Variants in AGMO observed in about 807,000 individuals in gnomAD.
AGMO encodes glyceryl-ether monooxygenase.
Under a neutral mutation model 60.2 loss-of-function variants are expected in AGMO, and 75 were observed. That is an observed-to-expected ratio of 1.25 (90% CI 1.03 to 1.51). The LOEUF is 1.51. Among genes scored for constraint, AGMO ranks in the 40% most tolerant of loss-of-function variants. The pLI is 0.00. For missense variants in AGMO, 763 were observed against 525.5 expected (o/e 1.45, Z -4.42); for synonymous variants, 261 against 177.1 (o/e 1.47, Z -3.76).
chr7:15,322,073 A>C (rs1781123699), intron 12 of AGMO, among the ~76,000 whole-genome samples: 1 of 152,006 alleles, frequency 6.6e-6, no homozygotes, highest in Non-Finnish European at 1.5e-5. Flanking sequence ...CAGGAGTCTG[A>C]GGTAGCAGAA....
At chr7:15,481,495 G>C (rs888724402) in intron 3 of AGMO, among the ~76,000 whole-genome samples, 1 of 151,932 alleles carries the variant, frequency 6.6e-6, no homozygotes, top group Non-Finnish European at 1.5e-5. Context: ...CAGTCCACAA[G>C]ACAACTGTAA....
downstream of AGMO, among the ~76,000 whole-genome samples, chr7:15,197,574 A>G (rs1439768310): frequency 1.3e-5 from 2 of 152,242 alleles, no homozygotes; most frequent in Non-Finnish European, 2.9e-5. Context: ...AGTAAATGGC[A>G]TAACTAATAG....
chr7:15,125,043 G>A, the AGMO span, among the ~76,000 whole-genome samples: 1 of 150,720 alleles, frequency 6.6e-6, no homozygotes, highest in Non-Finnish European at 1.5e-5. Flanking sequence ...CAGTATTTTT[G>A]GAATGGGATG....
At chr7:15,239,562 G>T (rs1168437141) in intron 12 of AGMO, among the ~76,000 whole-genome samples, 4 of 152,106 alleles carry the variant, frequency 2.6e-5, no homozygotes, top group African/African-American at 9.7e-5. Flanking sequence ...TTACTTAAAA[G>T]AACCCTATAG....
At chr7:15,453,437 G>C (rs997356337) in intron 3 of AGMO, among the ~76,000 whole-genome samples, 2 of 152,152 alleles carry the variant, frequency 1.3e-5, no homozygotes, top group Non-Finnish European at 2.9e-5. Context: ...GGAGAAAGCA[G>C]ACACAGTGTA....
intron 5 of AGMO, among the ~76,000 whole-genome samples, chr7:15,398,575 C>T (rs1181321741): frequency 1.3e-5 from 2 of 152,126 alleles, no homozygotes; most frequent in African/African-American, 4.8e-5. Flanking sequence ...TTGAGCATAA[C>T]GGCTTAATTA....
At chr7:15,167,523 C>A in the AGMO span, among the ~76,000 whole-genome samples, 2 of 152,082 alleles carry the variant, frequency 1.3e-5, no homozygotes, top group African/African-American at 4.8e-5. Flanking sequence ...CCTCCAAACA[C>A]TAAAAGGAAA....
chr7:15,358,399 A>C (rs1437428881), intron 12 of AGMO: 7 of 471,388 alleles, frequency 1.5e-5, no homozygotes, highest in Admixed American at 4.7e-5. Context: ...GATAATAAGA[A>C]GGCATAATAA....
intron 12 of AGMO, among the ~76,000 whole-genome samples, chr7:15,344,344 T>C (rs1287917352): frequency 1.3e-5 from 2 of 152,256 alleles, no homozygotes; most frequent in Non-Finnish European, 2.9e-5. Flanking sequence ...CCAACAGGAC[T>C]AATTGTTTTC....
intron 12 of AGMO, among the ~76,000 whole-genome samples, chr7:15,310,969 T>G (rs539108542): frequency 6.6e-6 from 1 of 152,176 alleles, no homozygotes; most frequent in Non-Finnish European, 1.5e-5. Flanking sequence ...CTCTCCCGCC[T>G]CCCTCTTCCA....
At chr7:15,261,074 T>C (rs1400023913) in intron 12 of AGMO, among the ~76,000 whole-genome samples, 1 of 151,824 alleles carries the variant, frequency 6.6e-6, no homozygotes, top group Non-Finnish European at 1.5e-5. Flanking sequence ...TGAATGAGCA[T>C]AAATAGACAA....
chr7:15,543,438 G>C (rs1784685404), intron 3 of AGMO, among the ~76,000 whole-genome samples: 1 of 152,128 alleles, frequency 6.6e-6, no homozygotes, highest in African/African-American at 2.4e-5. Context: ...TGCAGTAAGA[G>C]GGCTTTTGCA....
At chr7:15,169,310 T>G in the AGMO span, among the ~76,000 whole-genome samples, 24 of 152,178 alleles carry the variant, frequency 1.6e-4, no homozygotes, top group Admixed American at 4.6e-4. Context: ...TGCAAACAAA[T>G]GAGTGTGGAT....
chr7:15,161,706 T>C, the AGMO span, among the ~76,000 whole-genome samples: 2 of 151,524 alleles, frequency 1.3e-5, no homozygotes, highest in African/African-American at 4.8e-5. Flanking sequence ...TGTGTGTGTA[T>C]ACATACACAC....
the AGMO span, among the ~76,000 whole-genome samples, chr7:15,157,978 C>T: frequency 6.6e-6 from 1 of 152,110 alleles, no homozygotes; most frequent in Non-Finnish European, 1.5e-5. Flanking sequence ...GGTTGCTAAG[C>T]AGGATCCCAT....
chr7:15,453,123 GA>G (rs1781898046), intron 3 of AGMO, among the ~76,000 whole-genome samples: 1 of 152,160 alleles, frequency 6.6e-6, no homozygotes, highest in Non-Finnish European at 1.5e-5. Context: ...TGGAGGTGAT[GA>G]AAATGTTCTG....
At chr7:15,129,238 T>G in the AGMO span, among the ~76,000 whole-genome samples, 1 of 142,448 alleles carries the variant, frequency 7.0e-6, no homozygotes, top group Non-Finnish European at 1.6e-5. Flanking sequence ...TTTCCAGGGC[T>G]GGTTGCTACA....
chr7:15,341,024 C>T (rs1426187452), intron 12 of AGMO, among the ~76,000 whole-genome samples: 3 of 152,230 alleles, frequency 2.0e-5, no homozygotes, highest in South Asian at 2.1e-4. Context: ...CCCAAGACCA[C>T]GGGAATCCAC....
intron 12 of AGMO, among the ~76,000 whole-genome samples, chr7:15,227,155 A>G (rs1782108795): frequency 6.6e-6 from 1 of 152,074 alleles, no homozygotes; most frequent in South Asian, 2.1e-4. Flanking sequence ...GAACTCCTGC[A>G]TACCAAACTG....
Sources: gnomAD v4.1 joint callset for allele counts (sites outside exome capture counted in the v4.1 genomes callset) on GRCh38, gnomAD v4.1.1 for gene constraint, MANE v1.5 for transcripts, NCBI Gene and HGNC (gene_info 2026-07-23, HGNC 2026-07-21) for gene names.